The following TRAF6 variants were observed in gnomAD, a reference collection of about 807,000 sequenced individuals.
TRAF6 encodes TNF receptor-associated factor 6.
A neutral mutation model predicts 48.4 loss-of-function variants in TRAF6; 10 were observed. That is an observed-to-expected ratio of 0.21 (90% CI 0.13 to 0.35). TRAF6 has a LOEUF of 0.35. Ranked by LOEUF, TRAF6 falls within the 10% of genes least tolerant of loss-of-function variation. The pLI, the probability that TRAF6 is intolerant of heterozygous loss-of-function variation, is 1.00. For missense variants in TRAF6, 397 were observed against 661.0 expected (o/e 0.60, Z 4.38); for synonymous variants, 186 against 219.6 (o/e 0.85, Z 1.35).
chr11:36,497,272 A>AT lies in TRAF6; in HGVS notation c.448-7dup, dbSNP rs781341169. On this transcript the variant is annotated splice_polypyrimidine_tract_variant and splice_region_variant and intron_variant, in intron 3 of 6. Transcript: ENST00000526995. ...TCACAATGTGCTTGATGATCCTATAATTAAAAAAATAATGGATTAGCATTA... is the reference window on the plus strand; with the variant it reads ...TCACAATGTGCTTGATGATCCTATAATTTAAAAAAATAATGGATTAGCATTA... The AT allele has an allele frequency of 2.0e-6, 3 of 1,502,758 alleles. No individual in the cohort carries two copies. The highest frequency in any genetic ancestry group is 1.2e-5 in the South Asian group (1 of 85,480). 93.1% of individuals were successfully genotyped at this position (1,502,758 alleles called of 1,614,324 possible).
chr11:36,498,294 G>C (rs1208912082), intron 3 of TRAF6, among the ~76,000 whole-genome samples, 196 bp downstream of exon 3: 1 of 152,180 alleles, frequency 6.6e-6, no homozygotes, highest in Non-Finnish European at 1.5e-5. Flanking sequence ...AGCCAGAGTA[G>C]ATAAAACAGT....
chr11:36,492,425 ACT>A, intron 6 of TRAF6, 124 bp downstream of exon 6: 2 of 784,244 alleles, frequency 2.6e-6, no homozygotes, highest in South Asian at 3.5e-5. Context: ...TCCATGAATA[ACT>A]CTATTATATC....
chr11:36,504,557 C>A (rs968870030), intron 1 of TRAF6, among the ~76,000 whole-genome samples: 7 of 152,204 alleles, frequency 4.6e-5, no homozygotes, highest in African/African-American at 1.7e-4. Context: ...CTAATGAAGT[C>A]CTGAACTCCT....
chr11:36,507,014 T>G (rs957005801), intron 1 of TRAF6, among the ~76,000 whole-genome samples: 1 of 151,714 alleles, frequency 6.6e-6, no homozygotes, highest in Non-Finnish European at 1.5e-5. Context: ...AAAAATCACC[T>G]AACTTAATTA....
intron 2 of TRAF6, among the ~76,000 whole-genome samples, chr11:36,500,784 A>C (rs1454912546): frequency 6.6e-6 from 1 of 152,136 alleles, no homozygotes; most frequent in South Asian, 2.1e-4. Context: ...ACAGTTGACC[A>C]TACACTTTAG....
rs1859493431 is a variant in TRAF6, at chr11:36,486,990, C to G, written c.*2848G>C. On this transcript the variant is annotated 3_prime_UTR_variant, in exon 7 of 7. Transcript: ENST00000526995. ...CCTGTAATCCCAGCTGCTTGGGAGGCTGAGGCAGGAGAATGGCTTGAGCCC... is the reference window on the plus strand; with the variant it reads ...CCTGTAATCCCAGCTGCTTGGGAGGGTGAGGCAGGAGAATGGCTTGAGCCC... The G allele has an allele frequency of 6.6e-6, 1 of 152,382 alleles. No individual in the cohort carries two copies. Among genetic ancestry groups the G allele is most frequent in the South Asian group, 2.1e-4 (1 of 4,832 alleles). 9.4% of individuals were successfully genotyped at this position (152,382 alleles called of 1,614,324 possible).
rs1253605512 is a variant in TRAF6 at position 36,508,242 on chromosome 11, T to C, written c.-23+1806A>G. ...AACAAAGTATAAATTGTTCCTTAAC[T>C]TGTATGTTAAGAGTGTCCTGACTGT... On this transcript the variant is annotated intron_variant, in intron 1 of 6. Coordinates refer to ENST00000526995, the MANE Select transcript of TRAF6 (RefSeq NM_004620.4). 1.3e-5 allele frequency among the ~76,000 whole-genome samples: 2 copies of C among 152,066 alleles called. 1 individual carries two copies. Among genetic ancestry groups the C allele is most frequent in the South Asian group, 4.1e-4 (2 of 4,826 alleles).
In TRAF6 at chr11:36,486,363, G is replaced by A. The variant is rs553918113; in HGVS notation, c.*3475C>T. 1.3e-5 allele frequency among the ~76,000 whole-genome samples: 2 copies of A among 152,128 alleles called. No individual in the cohort carries two copies. Among genetic ancestry groups the A allele is most frequent in the African/African-American group, 2.4e-5 (1 of 41,398 alleles). ...CTAATAGTATTTTATATAAAATAATGAGTAGAACTTGAGGCAAGCCAAGAG... is the reference window on the plus strand; with the variant it reads ...CTAATAGTATTTTATATAAAATAATAAGTAGAACTTGAGGCAAGCCAAGAG... On this transcript the variant is annotated 3_prime_UTR_variant, in exon 7 of 7. Coordinates refer to ENST00000526995, the MANE Select transcript of TRAF6 (RefSeq NM_004620.4).
chr11:36,486,124 G>A lies in TRAF6; in HGVS notation c.*3714C>T, dbSNP rs551396843. On this transcript the variant is annotated 3_prime_UTR_variant, in exon 7 of 7. Transcript: ENST00000526995. ...GCATGATCTTGGCTCACTGCAACCT[G>A]TGCTTCCCGGGTTCAAGCGATTCCC... Among the ~76,000 whole-genome samples the A allele has an allele frequency of 6.6e-6, 1 of 152,166 alleles. No individual in the cohort carries two copies. Among genetic ancestry groups the A allele is most frequent in the South Asian group, 2.1e-4 (1 of 4,818 alleles).
intron 2 of TRAF6, among the ~76,000 whole-genome samples, chr11:36,500,256 G>A (rs331458): frequency 0.98 from 148,786 of 152,304 alleles, 72,742 homozygotes; most frequent in Non-Finnish European, 1. Flanking sequence ...GTGGAACCAC[G>A]CTGTGGTATA....
intron 4 of TRAF6, chr11:36,496,362 G>C (rs1859632801): frequency 6.6e-6 from 1 of 152,220 alleles, no homozygotes; most frequent in South Asian, 2.1e-4. Context: ...CGGATTACCT[G>C]AGGTCGGGAG....
chr11:36,492,472 CTT>C, intron 6 of TRAF6, 77 bp downstream of exon 6: 1 of 1,143,894 alleles, frequency 8.7e-7, no homozygotes, highest in African/African-American at 1.6e-5. Flanking sequence ...CATCTACATT[CTT>C]GTTGTTATTC....
At chr11:36,506,787 T>C (rs980059533) in intron 1 of TRAF6, among the ~76,000 whole-genome samples, 1 of 152,206 alleles carries the variant, frequency 6.6e-6, no homozygotes, top group Non-Finnish European at 1.5e-5. Context: ...CACATTACTT[T>C]CCACGCTTTA....
At chr11:36,501,177 CT>C (rs1209870610) in intron 2 of TRAF6, 42 bp downstream of exon 2, 1 of 1,488,294 alleles carries the variant, frequency 6.7e-7, no homozygotes, top group Non-Finnish European at 9.0e-7. Context: ...TTCTCTGCAT[CT>C]GGTTCTGTTA....
intron 6 of TRAF6, among the ~76,000 whole-genome samples, chr11:36,492,292 T>C (rs1859574407): frequency 6.6e-6 from 1 of 152,200 alleles, no homozygotes. Flanking sequence ...ACTGGTCTTC[T>C]CTCCTTTGTC....
chr11:36,487,763 C>T lies in TRAF6; in HGVS notation c.*2075G>A, dbSNP rs1292817994. 1 of 151,980 alleles carries T rather than the reference C, an allele frequency of 6.6e-6. No homozygotes were observed. The highest frequency in any genetic ancestry group is 1.5e-5 in the Non-Finnish European group (1 of 68,008). The allele number at this position is 151,980 out of a possible 1,614,324, so 9.4% of individuals were successfully genotyped here. A position where few individuals can be genotyped will look rare whatever the true frequency, so the allele number is the denominator to read the frequency against. ...GAGTTAGTAGAAAAAAATAGTATCA[C>T]CAAGGCAGGAAATGACTCCTCTTTG... On this transcript the variant is annotated 3_prime_UTR_variant, in exon 7 of 7. Coordinates refer to ENST00000526995, the MANE Select transcript of TRAF6 (RefSeq NM_004620.4).
In TRAF6 at chr11:36,496,060, A is replaced by C. The variant is rs562975416; in HGVS notation, c.607-1013T>G. 5.3e-4 allele frequency among the ~76,000 whole-genome samples: 81 copies of C among 152,336 alleles called. 1 individual carries two copies. Among genetic ancestry groups the C allele is most frequent in the African/African-American group, 1.8e-3 (74 of 41,568 alleles). ...AAACTGCCAACGTGAATTTATAAAA[A>C]CTATAGTTTAAGGAAGTATCTAAGT... On this transcript the variant is annotated intron_variant, in intron 4 of 6. Coordinates refer to ENST00000526995, the MANE Select transcript of TRAF6 (RefSeq NM_004620.4).
intron 2 of TRAF6, among the ~76,000 whole-genome samples, chr11:36,500,504 T>G (rs529126871): frequency 9.2e-5 from 14 of 152,310 alleles, no homozygotes; most frequent in African/African-American, 3.4e-4. Flanking sequence ...CAGGGTCTTA[T>G]AAGGATTTTA....
chr11:36,489,708 CCTCT>C lies in TRAF6; in HGVS notation c.*126_*129del, dbSNP rs1032120455. On this transcript the variant is annotated 3_prime_UTR_variant, in exon 7 of 7. Transcript: ENST00000526995. The stretch of plus-strand genomic sequence containing the variant: ...TGTAACAGGAAGAAATAGTAAGTGA[CCTCT>C]CTAACAACACTCACTAGTAGATATT... 8 of 993,532 alleles carry C rather than the reference CCTCT, an allele frequency of 8.1e-6. No homozygotes were observed. The African/African-American group carries it at 9.7e-5, about 12-fold the overall frequency. The allele number at this position is 993,532 out of a possible 1,614,324, so 61.5% of individuals were successfully genotyped here. A position where few individuals can be genotyped will look rare whatever the true frequency, so the allele number is the denominator to read the frequency against.
Sources: gnomAD v4.1 joint callset for allele counts (sites outside exome capture counted in the v4.1 genomes callset) on GRCh38, gnomAD v4.1.1 for gene constraint, MANE v1.5 for transcripts, NCBI Gene and HGNC (gene_info 2026-07-23, HGNC 2026-07-21) for gene names.